Variants in MATCAP2 observed in about 807,000 individuals in gnomAD.
MATCAP2 encodes putative tyrosine carboxypeptidase MATCAP2.
At chr7:36,343,648 A>G in the MATCAP2 span, among the ~76,000 whole-genome samples, 5 of 100,674 alleles carry the variant, frequency 5.0e-5, no homozygotes, top group South Asian at 2.7e-4. Context: ...AAGAAAAAGA[A>G]AAGAGAAGGA....
the MATCAP2 span, among the ~76,000 whole-genome samples, chr7:36,347,358 G>A: frequency 6.6e-6 from 1 of 152,096 alleles, no homozygotes. Context: ...CATCAATCAT[G>A]TGCTAAAAAA....
the MATCAP2 span, among the ~76,000 whole-genome samples, chr7:36,341,291 T>C: frequency 1.3e-5 from 2 of 150,826 alleles, no homozygotes; most frequent in Non-Finnish European, 2.9e-5. Context: ...GAAAAATACA[T>C]CTCCCAATAT....
At chr7:36,380,279 G>A in the MATCAP2 span, among the ~76,000 whole-genome samples, 1 of 152,196 alleles carries the variant, frequency 6.6e-6, no homozygotes, top group South Asian at 2.1e-4. Flanking sequence ...ACTAAGCAAA[G>A]TGGGTGGTAA....
chr7:36,329,607 T>A, the MATCAP2 span, among the ~76,000 whole-genome samples: 103 of 152,286 alleles, frequency 6.8e-4, no homozygotes, highest in Middle Eastern at 3.4e-3. Context: ...AAAAGTTGAA[T>A]AAAGTAAGTC....
chr7:36,334,263 G>C, the MATCAP2 span: 1 of 1,004,056 alleles, frequency 1.0e-6, no homozygotes, highest in Admixed American at 2.4e-5. Flanking sequence ...CCAGCCAGGC[G>C]CGGTGGCTCA....
At chr7:36,383,973 T>A in the MATCAP2 span, 1 of 992,122 alleles carries the variant, frequency 1.0e-6, no homozygotes, top group Non-Finnish European at 1.4e-6. Context: ...CTTTGTGAAT[T>A]AAGTATAAAT....
the MATCAP2 span, chr7:36,383,745 T>C: frequency 3.2e-6 from 2 of 619,892 alleles, no homozygotes; most frequent in Non-Finnish European, 5.5e-6. Context: ...CAAACCACCA[T>C]GGCACGTGTA....
chr7:36,367,096 C>A, the MATCAP2 span: 1 of 1,245,348 alleles, frequency 8.0e-7, no homozygotes, highest in Non-Finnish European at 1.0e-6. Flanking sequence ...AGGGTAAGGG[C>A]GGACGAAGAC....
chr7:36,378,571 G>T, the MATCAP2 span, among the ~76,000 whole-genome samples: 1 of 152,232 alleles, frequency 6.6e-6, no homozygotes, highest in Admixed American at 6.5e-5. Flanking sequence ...CACTTGAGGG[G>T]GCAGTCTGTC....
the MATCAP2 span, among the ~76,000 whole-genome samples, chr7:36,327,354 C>T: frequency 2.0e-5 from 3 of 152,262 alleles, no homozygotes; most frequent in South Asian, 2.1e-4. Context: ...AGGCTGGTCT[C>T]GAACTCCTGA....
chr7:36,358,570 A>G, the MATCAP2 span, among the ~76,000 whole-genome samples: 1 of 152,224 alleles, frequency 6.6e-6, no homozygotes, highest in African/African-American at 2.4e-5. Flanking sequence ...AGTGAAGGAG[A>G]GGGCAGCTTT....
the MATCAP2 span, among the ~76,000 whole-genome samples, chr7:36,382,419 C>T: frequency 1.3e-5 from 2 of 151,402 alleles, no homozygotes; most frequent in African/African-American, 4.9e-5. Context: ...GAAACACTGG[C>T]TTCTGTTACT....
chr7:36,387,427 TC>T, the MATCAP2 span, among the ~76,000 whole-genome samples: 1 of 152,210 alleles, frequency 6.6e-6, no homozygotes, highest in Non-Finnish European at 1.5e-5. Context: ...TTTTTTGTTT[TC>T]AAATTTTTTT....
the MATCAP2 span, among the ~76,000 whole-genome samples, chr7:36,382,845 A>T: frequency 2.4e-4 from 36 of 152,350 alleles, 1 homozygote; most frequent in South Asian, 7.2e-3. Flanking sequence ...CCAATATAAA[A>T]AGTATAGTGT....
chr7:36,362,363 A>G, the MATCAP2 span, among the ~76,000 whole-genome samples: 1 of 152,216 alleles, frequency 6.6e-6, no homozygotes, highest in South Asian at 2.1e-4. Context: ...TCACAGCCCC[A>G]GGTAAGAGCA....
At chr7:36,357,600 T>C in the MATCAP2 span, 6 of 1,576,846 alleles carry the variant, frequency 3.8e-6, no homozygotes, top group Non-Finnish European at 8.6e-7. Flanking sequence ...TCTGTGTTAA[T>C]AAACAAAATC....
At chr7:36,360,718 T>G in the MATCAP2 span, among the ~76,000 whole-genome samples, 2 of 152,264 alleles carry the variant, frequency 1.3e-5, no homozygotes, top group South Asian at 4.1e-4. Flanking sequence ...ATTGCTTACT[T>G]TGTGAAAAAA....
At chr7:36,347,074 G>C in the MATCAP2 span, among the ~76,000 whole-genome samples, 1 of 152,112 alleles carries the variant, frequency 6.6e-6, no homozygotes, top group Non-Finnish European at 1.5e-5. Context: ...TATTGCTTAT[G>C]ATTTTTTTTA....
At chr7:36,367,243 C>T in the MATCAP2 span, 1 of 1,102,146 alleles carries the variant, frequency 9.1e-7, no homozygotes, top group Non-Finnish European at 1.1e-6. Flanking sequence ...TAGGAAACTG[C>T]CCCCGGGGTC....
Sources: allele counts gnomAD v4.1 joint callset (sites outside exome capture counted in the v4.1 genomes callset), GRCh38; gene constraint gnomAD v4.1.1; transcripts MANE v1.5; gene names NCBI Gene and HGNC (gene_info 2026-07-23, HGNC 2026-07-21).